The following SCN7A variants were observed in gnomAD, a reference collection of about 807,000 sequenced individuals.
SCN7A encodes the protein sodium voltage-gated channel alpha subunit 7, also known as sodium channel protein type 7 subunit alpha.
Under a neutral mutation model 155.2 loss-of-function variants are expected in SCN7A, and 138 were observed. That is an observed-to-expected ratio of 0.89 (90% CI 0.77 to 1.02). The LOEUF is 1.02. Ranked by LOEUF, SCN7A falls within the 50% of genes least tolerant of loss-of-function variation. SCN7A has a pLI of 0.00. For synonymous variants in SCN7A, 693 were observed against 649.0 expected (o/e 1.07, Z -1.03); for missense variants, 2,058 against 1,986.6 (o/e 1.04, Z -0.68).
At chr2:166,428,592 C>T (rs1198354804) in intron 17 of SCN7A, among the ~76,000 whole-genome samples, 2 of 151,954 alleles carry the variant, frequency 1.3e-5, no homozygotes, top group Non-Finnish European at 2.9e-5. Flanking sequence ...GGTTGATATA[C>T]AGGTGACAAA....
chr2:166,409,700 A>G lies in SCN7A; in HGVS notation c.3947T>C (p.Ile1316Thr). ...RCFYFTIAWNIFDFMVVIFSI... is the reference protein window; with the variant it reads ...RCFYFTIAWNTFDFMVVIFSI... ...GAAAATAACCACCATAAAATCAAAA[A>G]TGTTCCACGCAATGGTGAAATAAAA... Residue 1316 changes from isoleucine (I) to threonine (T), a missense_variant, in exon 25 of 26, where the codon ATT (isoleucine) becomes ACT (threonine). Coordinates refer to ENST00000643258, the MANE Select transcript of SCN7A (RefSeq NM_002976.4). The G allele has an allele frequency of 1.3e-6, 2 of 1,531,472 alleles. No homozygotes were observed. Among genetic ancestry groups the G allele is most frequent in the Non-Finnish European group, 1.8e-6 (2 of 1,140,796 alleles). 94.9% of individuals were successfully genotyped at this position (1,531,472 alleles called of 1,614,324 possible).
intron 16 of SCN7A, among the ~76,000 whole-genome samples, chr2:166,431,115 C>G (rs1273695445): frequency 6.6e-6 from 1 of 151,986 alleles, no homozygotes; most frequent in Non-Finnish European, 1.5e-5. Flanking sequence ...AGGGACACTC[C>G]AACATGCTGT....
intron 2 of SCN7A, among the ~76,000 whole-genome samples, chr2:166,480,578 A>G (rs1702903423): frequency 6.6e-6 from 1 of 152,108 alleles, no homozygotes; most frequent in Non-Finnish European, 1.5e-5. Flanking sequence ...TCTCTTTATA[A>G]ACATTCCTTA....
chr2:166,483,338 A>G (rs1046235556), intron 2 of SCN7A, among the ~76,000 whole-genome samples: 5 of 152,088 alleles, frequency 3.3e-5, no homozygotes, highest in Non-Finnish European at 7.4e-5. Context: ...GTTTCTAATT[A>G]AATTATTTTA....
chr2:166,457,209 G>A (rs552023110), intron 10 of SCN7A, 133 bp from the exon 11 acceptor site: 20 of 649,880 alleles, frequency 3.1e-5, no homozygotes, highest in Middle Eastern at 4.3e-4. Flanking sequence ...TCATAAGACT[G>A]TTTAAGCACT....
Position 166,407,174 on chromosome 2 carries a change from C to T in SCN7A, c.3983-528G>A, listed in dbSNP as rs146218036. ...CAGAAATGTCTGGCATTCAGTGATT[C>T]ATAGATTGTAATTTAATTTCCTTAT... On this transcript the variant is annotated intron_variant, in intron 25 of 25. Coordinates refer to ENST00000643258, the MANE Select transcript of SCN7A (RefSeq NM_002976.4). Among the ~76,000 whole-genome samples, 331 of 151,998 alleles carry T rather than the reference C, an allele frequency of 2.2e-3. 2 individuals carry two copies. Among genetic ancestry groups the T allele is most frequent in the African/African-American group, 7.5e-3 (310 of 41,478 alleles).
chr2:166,457,000 C>T lies in SCN7A; in HGVS notation c.1160G>A (p.Ser387Asn), dbSNP rs748791670. 6.2e-7 allele frequency: 1 copy of T among 1,610,612 alleles called. No individual in the cohort carries two copies. The highest frequency in any genetic ancestry group is 8.5e-7 in the Non-Finnish European group (1 of 1,178,606). The change falls in exon 11 of 26, where the codon AGT (serine) becomes AAT (asparagine). Residue 387 changes from serine (S) to asparagine (N), a missense_variant. Transcript: ENST00000643258. ...VSFLFSFYMA[S>N]LFLGILAMAY... Reference sequence around the variant, plus strand: ...CATGGCAAGTATGCCTAAGAACAAACTTGCCATATAAAAGGAAAACAAAAA... The same window carrying T: ...CATGGCAAGTATGCCTAAGAACAAATTTGCCATATAAAAGGAAAACAAAAA...
At chr2:166,469,793 A>G (rs1427624213) in intron 7 of SCN7A, among the ~76,000 whole-genome samples, 1 of 151,948 alleles carries the variant, frequency 6.6e-6, no homozygotes, top group Non-Finnish European at 1.5e-5. Flanking sequence ...CTGCCATGCC[A>G]CAGACAGTTT....
At chr2:166,473,762 T>C (rs781484777) in intron 5 of SCN7A, 37 bp downstream of exon 5, 13 of 560,054 alleles carry the variant, frequency 2.3e-5, no homozygotes, top group Non-Finnish European at 3.1e-5. Flanking sequence ...TATACAATTA[T>C]ATATGATATT....
At chr2:166,410,832 A>G (rs1442683626) in intron 23 of SCN7A, among the ~76,000 whole-genome samples, 2 of 151,886 alleles carry the variant, frequency 1.3e-5, no homozygotes, top group Non-Finnish European at 2.9e-5. Flanking sequence ...TCTTCATAGC[A>G]CGGTTGAGGG....
chr2:166,484,175 G>T (rs1702993466), intron 2 of SCN7A, among the ~76,000 whole-genome samples: 1 of 151,862 alleles, frequency 6.6e-6, no homozygotes, highest in Admixed American at 6.6e-5. Flanking sequence ...TTGTATGACT[G>T]ACTGTCATTC....
Position 166,413,977 on chromosome 2 carries a change from A to ATG in SCN7A, c.3415-858_3415-857dup, listed in dbSNP as rs549092901. On this transcript the variant is annotated intron_variant, in intron 21 of 25. Coordinates refer to ENST00000643258, the MANE Select transcript of SCN7A (RefSeq NM_002976.4). ...AACTCCCCTTTATATATATATGTGT[A>ATG]TGTGTATATATATATATATATATAT... is the stretch of plus-strand genomic sequence containing the variant. Among the ~76,000 whole-genome samples, 287 of 77,226 alleles carry ATG rather than the reference A, an allele frequency of 3.7e-3. 5 individuals carry two copies. The highest frequency in any genetic ancestry group is 0.014 in the African/African-American group (199 of 14,670). The allele number at this position is 77,226 out of a possible 152,430, so 50.7% of individuals were successfully genotyped here.
intron 3 of SCN7A, among the ~76,000 whole-genome samples, chr2:166,476,536 CT>C (rs1319287221): frequency 1.3e-5 from 2 of 151,986 alleles, no homozygotes; most frequent in Non-Finnish European, 2.9e-5. Flanking sequence ...TCTCTGTCTC[CT>C]TGCGACTTCA....
chr2:166,416,674 T>G lies in SCN7A; in HGVS notation c.3414+33A>C, dbSNP rs776416708. On this transcript the variant is annotated intron_variant, in intron 21 of 25. Transcript: ENST00000643258. ...TCAACCTACAATATGGATGAATATA[T>G]AATTAATAAGGAAAAGTCAAAAGTG... 7.2e-6 allele frequency: 11 copies of G among 1,534,692 alleles called. No individual in the cohort carries two copies. In the Admixed American group the frequency reaches 1.6e-4, roughly 23 times the overall value.
Position 166,462,404 on chromosome 2 carries a change from T to C in SCN7A, c.1068A>G (p.Glu356=). The change falls in exon 10 of 26, where the codon GAA becomes GAG. Residue 356 remains glutamate, a synonymous_variant. Coordinates refer to ENST00000643258, the MANE Select transcript of SCN7A (RefSeq NM_002976.4). ...LFRLMAQDYP[E]VLYHQILYAS... is the part of the protein sequence containing the mutation. ...CTGTTCTTACCTGGTGATAAAGTAC[T>C]TCAGGGTAATCCTGAGCCATTAACC... 1 of 1,593,620 alleles carries C rather than the reference T, an allele frequency of 6.3e-7. No individual in the cohort carries two copies. The highest frequency in any genetic ancestry group is 8.6e-7 in the Non-Finnish European group (1 of 1,168,962).
rs1483185521 is a variant in SCN7A, at chr2:166,414,010, CTA to C, written c.3415-891_3415-890del. Reference sequence around the variant, plus strand: ...ATATATATATATATATATAAATATACTATATATATGTAAATATATATAAATAT... The same window carrying C: ...ATATATATATATATATATAAATATACTATATATGTAAATATATATAAATAT... On this transcript the variant is annotated intron_variant, in intron 21 of 25. Coordinates refer to ENST00000643258, the MANE Select transcript of SCN7A (RefSeq NM_002976.4). Among the ~76,000 whole-genome samples, 60 of 44,402 alleles carry C rather than the reference CTA, an allele frequency of 1.4e-3. 4 individuals are homozygous for C. The highest frequency in any genetic ancestry group is 0.013 in the East Asian group (32 of 2,430). 29.1% of individuals were successfully genotyped at this position (44,402 alleles called of 152,430 possible).
At chr2:166,430,600 T>C (rs559261192) in intron 16 of SCN7A, among the ~76,000 whole-genome samples, 12 of 151,988 alleles carry the variant, frequency 7.9e-5, no homozygotes, top group African/African-American at 2.4e-4. Flanking sequence ...TACAAATAAA[T>C]CAATTAAGAC....
intron 3 of SCN7A, among the ~76,000 whole-genome samples, chr2:166,476,554 G>T (rs1214202220): frequency 6.6e-6 from 1 of 151,868 alleles, no homozygotes; most frequent in Non-Finnish European, 1.5e-5. Flanking sequence ...TTCAGTCCCG[G>T]ATTACTCTCT....
intron 7 of SCN7A, among the ~76,000 whole-genome samples, chr2:166,468,942 C>T (rs2105492768): frequency 6.6e-6 from 1 of 151,274 alleles, no homozygotes; most frequent in East Asian, 2.0e-4. Flanking sequence ...TTTTATAATA[C>T]TTTTATTCTT....
Sources: gnomAD v4.1 joint callset for allele counts (sites outside exome capture counted in the v4.1 genomes callset) on GRCh38, gnomAD v4.1.1 for gene constraint, MANE v1.5 for transcripts, NCBI Gene and HGNC (gene_info 2026-07-23, HGNC 2026-07-21) for gene names.